The following CDH2 variants were observed in gnomAD, a reference collection of about 807,000 sequenced individuals.
CDH2 encodes the protein cadherin 2, also known as cadherin-2.
In CDH2, 17 loss-of-function variants were observed where a neutral mutation model predicts 92.0. The observed-to-expected ratio is 0.18, with a 90% CI of 0.13 to 0.28. The LOEUF is 0.28. Among genes scored for constraint, CDH2 ranks in the 10% least tolerant of loss-of-function variants. The pLI is 1.00. For synonymous variants in CDH2, 419 were observed against 415.9 expected, an observed-to-expected ratio of 1.01 and a Z score of -0.09; for missense variants, 862 against 1,133.1, an observed-to-expected ratio of 0.76 and a Z score of 3.44.
chr18:27,946,679 G>A (rs1266176823), downstream of CDH2, among the ~76,000 whole-genome samples: 1 of 151,900 alleles, frequency 6.6e-6, no homozygotes, highest in African/African-American at 2.4e-5. Context: ...TAAGACTAAC[G>A]TTGAGCAAAA....
intron 2 of CDH2, among the ~76,000 whole-genome samples, chr18:28,103,784 G>A (rs2015276051): frequency 6.6e-6 from 1 of 151,958 alleles, no homozygotes; most frequent in Non-Finnish European, 1.5e-5. Flanking sequence ...AGTTTGCTCA[G>A]AATGATGGTT....
At chr18:27,934,657 C>G (rs1020913175) in intron 6 of CDH2, among the ~76,000 whole-genome samples, 1 of 152,118 alleles carries the variant, frequency 6.6e-6, no homozygotes, top group Non-Finnish European at 1.5e-5. Context: ...AATAGTCACA[C>G]AGCTGTGTTT....
intron 2 of CDH2, among the ~76,000 whole-genome samples, chr18:28,053,542 G>T (rs2014234093): frequency 6.6e-6 from 1 of 152,074 alleles, no homozygotes; most frequent in Non-Finnish European, 1.5e-5. Context: ...CTGAGTTTTG[G>T]TTAGTTACAG....
chr18:28,054,347 T>C (rs2014251020), intron 2 of CDH2, among the ~76,000 whole-genome samples: 1 of 152,158 alleles, frequency 6.6e-6, no homozygotes, highest in East Asian at 1.9e-4. Flanking sequence ...TGTTCACTTG[T>C]AGGGCTCCTT....
At chr18:27,995,533 T>A (rs2012555080) in intron 7 of CDH2, among the ~76,000 whole-genome samples, 1 of 152,224 alleles carries the variant, frequency 6.6e-6, no homozygotes, top group Non-Finnish European at 1.5e-5. Flanking sequence ...CAGAAACAGA[T>A]GAACATTCTC....
At chr18:27,996,676 C>CAT (rs2012593393) in intron 7 of CDH2, among the ~76,000 whole-genome samples, 1 of 152,154 alleles carries the variant, frequency 6.6e-6, no homozygotes, top group Non-Finnish European at 1.5e-5. Flanking sequence ...CACACACACA[C>CAT]GTGTCCCAAG....
chr18:28,110,064 T>C (rs898800190), intron 2 of CDH2, among the ~76,000 whole-genome samples: 1 of 152,150 alleles, frequency 6.6e-6, no homozygotes, highest in African/African-American at 2.4e-5. Flanking sequence ...TAAGAGGCAA[T>C]AACCCAACAC....
In CDH2 at chr18:28,094,792, TAAAAAAAAAA is replaced by T. The variant is rs35744873; in HGVS notation, c.172+52871_172+52880del. Among the ~76,000 whole-genome samples the T allele has an allele frequency of 7.0e-3, 580 of 82,392 alleles. 8 individuals carry two copies. The highest frequency in any genetic ancestry group is 0.027 in the African/African-American group (562 of 20,668). 54.1% of individuals were successfully genotyped at this position (82,392 alleles called of 152,430 possible). ...CTGGGCGACAGAGTGAGACTCTGTC[TAAAAAAAAAA>T]AAAAAAAAAAAAATTACTGCTATAG... is the stretch of plus-strand genomic sequence containing the variant. On this transcript the variant is annotated intron_variant, in intron 2 of 15. Coordinates refer to ENST00000269141, the MANE Select transcript of CDH2 (RefSeq NM_001792.5).
intron 14 of CDH2, among the ~76,000 whole-genome samples, chr18:27,967,401 A>C (rs2011557016): frequency 6.6e-6 from 1 of 152,208 alleles, no homozygotes; most frequent in Non-Finnish European, 1.5e-5. Flanking sequence ...ATAAACACAC[A>C]AATGACAACA....
chr18:27,947,665 GTGATA>G (rs1909303458), downstream of CDH2, among the ~76,000 whole-genome samples: 1 of 151,726 alleles, frequency 6.6e-6, no homozygotes, highest in Non-Finnish European at 1.5e-5. Context: ...ATAAGTATAT[GTGATA>G]TAAGTATATG....
At chr18:28,125,760 C>A (rs1410220405) in intron 2 of CDH2, among the ~76,000 whole-genome samples, 3 of 152,024 alleles carry the variant, frequency 2.0e-5, no homozygotes, top group African/African-American at 4.8e-5. Context: ...AGCATTAGTA[C>A]CCTCAGTTTT....
chr18:28,010,320 A>G (rs977220835), intron 4 of CDH2, among the ~76,000 whole-genome samples: 11 of 152,216 alleles, frequency 7.2e-5, no homozygotes, highest in African/African-American at 1.7e-4. Context: ...ACTCTAATAC[A>G]GTTATGGTTG....
At chr18:28,081,430 T>C (rs2014827415) in intron 2 of CDH2, among the ~76,000 whole-genome samples, 1 of 152,142 alleles carries the variant, frequency 6.6e-6, no homozygotes, top group South Asian at 2.1e-4. Context: ...AGCTAGACAG[T>C]AAGAGCAACT....
intron 2 of CDH2, among the ~76,000 whole-genome samples, chr18:28,084,563 A>C (rs2014890812): frequency 6.6e-6 from 1 of 151,904 alleles, no homozygotes; most frequent in Non-Finnish European, 1.5e-5. Flanking sequence ...TGGAAGTAAC[A>C]TGCAGTGCAA....
At chr18:28,046,374 A>C (rs1026852823) in intron 2 of CDH2, among the ~76,000 whole-genome samples, 12 of 152,204 alleles carry the variant, frequency 7.9e-5, no homozygotes, top group African/African-American at 2.9e-4. Flanking sequence ...AAGCTCATTA[A>C]AACAGAGAAT....
chr18:27,985,043 G>A lies in CDH2; in HGVS notation c.2166C>T (p.Thr722=), dbSNP rs199642117. 4.2e-5 allele frequency: 68 copies of A among 1,613,970 alleles called. No homozygotes were observed. Among genetic ancestry groups the A allele is most frequent in the Middle Eastern group, 1.6e-4 (1 of 6,084 alleles). ...AGAGCAGGATGGCAATGATGGCACC[G>A]GTGCCAAGCCCCGCACCCACAATCC... ...VDRIVGAGLG[T]GAIIAILLCI... is the part of the protein sequence containing the mutation. Residue 722 remains threonine, a synonymous_variant, in exon 13 of 16, where the codon ACC becomes ACT. Transcript: ENST00000269141.
rs761151029 is a variant in CDH2 at position 28,177,016 on chromosome 18, G to A, written c.7C>T (p.Arg3Trp). ...AGGGTCCGCAGCGCTCCCGCTATCC[G>A]GCACATGGAGGCGGAGAGGGGCCGA... The part of the protein sequence containing the change: MC[R>W]IAGALRTLLP... Residue 3 changes from arginine to tryptophan, a missense_variant, in exon 1 of 16, where the codon CGG (arginine) becomes TGG (tryptophan). Transcript: ENST00000269141. 105 of 1,484,958 alleles carry A rather than the reference G, an allele frequency of 7.1e-5. 2 individuals are homozygous for A. The highest frequency in any genetic ancestry group is 6.4e-5 in the Admixed American group (3 of 46,976). The allele number at this position is 1,484,958 out of a possible 1,614,324, so 92.0% of individuals were successfully genotyped here. A position where few individuals can be genotyped will look rare whatever the true frequency, so the allele number is the denominator to read the frequency against.
At chr18:28,053,320 T>A (rs769898211) in intron 2 of CDH2, among the ~76,000 whole-genome samples, 5 of 152,192 alleles carry the variant, frequency 3.3e-5, no homozygotes, top group Non-Finnish European at 7.4e-5. Context: ...TTAATAAGTA[T>A]TAGACATTTT....
At chr18:28,142,305 C>A (rs970929638) in intron 2 of CDH2, among the ~76,000 whole-genome samples, 1 of 151,794 alleles carries the variant, frequency 6.6e-6, no homozygotes, top group Non-Finnish European at 1.5e-5. Flanking sequence ...CTCAGCTAGT[C>A]CAAATTACTG....
Sources: allele counts gnomAD v4.1 joint callset (sites outside exome capture counted in the v4.1 genomes callset), GRCh38; gene constraint gnomAD v4.1.1; transcripts MANE v1.5; gene names NCBI Gene and HGNC (gene_info 2026-07-23, HGNC 2026-07-21).